IRAK1BP1: variants seen among roughly 807,000 people sequenced by gnomAD.
IRAK1BP1 encodes interleukin-1 receptor-associated kinase 1-binding protein 1.
In IRAK1BP1, 24 loss-of-function variants were observed where a neutral mutation model predicts 28.0. That is an observed-to-expected ratio of 0.86 (90% CI 0.62 to 1.20). IRAK1BP1 has a LOEUF of 1.20. Among genes scored for constraint, IRAK1BP1 ranks in the 50% most tolerant of loss-of-function variants. The pLI is 0.00. For missense variants in IRAK1BP1, 336 were observed against 316.7 expected (o/e 1.06, Z -0.46); for synonymous variants, 131 against 116.3 (o/e 1.13, Z -0.81).
intron 4 of IRAK1BP1, among the ~76,000 whole-genome samples, chr6:78,926,031 C>CTGAA (rs749673929): frequency 1.3e-5 from 2 of 151,988 alleles, no homozygotes; most frequent in Non-Finnish European, 2.9e-5. Context: ...GTAGGACCTA[C>CTGAA]TGAAGGATGG....
chr6:78,874,385 T>C (rs6454089), intron 1 of IRAK1BP1, among the ~76,000 whole-genome samples: 135,881 of 152,188 alleles, frequency 0.89, 60,692 homozygotes, highest in Admixed American at 0.9. Flanking sequence ...ATGAGGATTC[T>C]GTATTTCTTG....
chr6:78,887,091 C>G lies in IRAK1BP1; in HGVS notation c.381+1648C>G, dbSNP rs139496642. Reference sequence around the variant, plus strand: ...TTTATGACTATGGATTTAGCAAACACTAGAGCCTAATGTATAACACATACC... The same window carrying G: ...TTTATGACTATGGATTTAGCAAACAGTAGAGCCTAATGTATAACACATACC... On this transcript the variant is annotated intron_variant, in intron 2 of 3. Transcript: ENST00000369940. Among the ~76,000 whole-genome samples the G allele has an allele frequency of 6.4e-4, 98 of 152,236 alleles. 1 individual carries two copies. The South Asian group carries it at 8.1e-3, about 13-fold the overall frequency.
intron 4 of IRAK1BP1, among the ~76,000 whole-genome samples, chr6:78,930,416 T>C (rs1773011904): frequency 6.6e-6 from 1 of 152,182 alleles, no homozygotes; most frequent in African/African-American, 2.4e-5. Context: ...AAGTCATATT[T>C]TTAATAAAAG....
At chr6:78,964,826 G>A in the IRAK1BP1 span, among the ~76,000 whole-genome samples, 1 of 152,086 alleles carries the variant, frequency 6.6e-6, no homozygotes, top group African/African-American at 2.4e-5. Flanking sequence ...AAACAATATA[G>A]AATAACGTAA....
rs60728695 is a variant in IRAK1BP1 at position 78,893,314 on chromosome 6, GTATATATATATATATATA to G, written c.382-4497_382-4480del. On this transcript the variant is annotated intron_variant, in intron 2 of 3. Coordinates refer to ENST00000369940, the MANE Select transcript of IRAK1BP1 (RefSeq NM_001010844.4). ...TATATGTGTGTGTGTGTGTGTGTGT[GTATATATATATATATATA>G]TATATATATATATATATCAACGAAG... is the stretch of plus-strand genomic sequence containing the variant. Among the ~76,000 whole-genome samples the G allele has an allele frequency of 1.8e-4, 19 of 103,456 alleles. 1 individual carries two copies. The South Asian group carries it at 4.0e-3, about 22-fold the overall frequency. 67.9% of individuals were successfully genotyped at this position (103,456 alleles called of 152,430 possible).
rs539710007 is a variant in IRAK1BP1 at position 78,869,160 on chromosome 6, G to A, written c.315+1269G>A. 3.9e-5 allele frequency among the ~76,000 whole-genome samples: 6 copies of A among 152,260 alleles called. No homozygotes were observed. In the South Asian group the frequency reaches 1.2e-3, roughly 32 times the overall value. Reference sequence around the variant, plus strand: ...ACTGCTACTAGTGCTGTAGTCGTTTGAATAATGTTAACAAGTTTTTAAGTT... The same window carrying A: ...ACTGCTACTAGTGCTGTAGTCGTTTAAATAATGTTAACAAGTTTTTAAGTT... On this transcript the variant is annotated intron_variant, in intron 1 of 3. Transcript: ENST00000369940.
At chr6:78,929,172 A>G (rs1047443360) in intron 4 of IRAK1BP1, among the ~76,000 whole-genome samples, 1 of 152,046 alleles carries the variant, frequency 6.6e-6, no homozygotes, top group Non-Finnish European at 1.5e-5. Context: ...ACTTTTCATT[A>G]TGGCTTTGAT....
intron 2 of IRAK1BP1, among the ~76,000 whole-genome samples, chr6:78,895,136 A>T (rs1220629013): frequency 6.6e-6 from 1 of 152,102 alleles, no homozygotes. Flanking sequence ...AAGTATTTGA[A>T]TCATACAAAG....
Position 78,868,161 on chromosome 6 carries a change from C to T in IRAK1BP1, c.315+270C>T, listed in dbSNP as rs185616488. ...GTAGGTTTTTATCTGGGGATATTTG[C>T]TTCAGTGATTTTGTTTTTAAATTTA... is the stretch of plus-strand genomic sequence containing the variant. On this transcript the variant is annotated intron_variant, in intron 1 of 3. Transcript: ENST00000369940. 5.3e-5 allele frequency among the ~76,000 whole-genome samples: 8 copies of T among 152,292 alleles called. 1 individual carries two copies. In the East Asian group the frequency reaches 1.3e-3, roughly 26 times the overall value.
intron 4 of IRAK1BP1, among the ~76,000 whole-genome samples, chr6:78,924,376 G>A (rs950949595): frequency 7.9e-5 from 12 of 152,098 alleles, no homozygotes; most frequent in Non-Finnish European, 4.4e-5. Flanking sequence ...GGAAGAAGTT[G>A]AATCCCTGAA....
chr6:78,960,979 T>C, the IRAK1BP1 span, among the ~76,000 whole-genome samples: 1 of 152,106 alleles, frequency 6.6e-6, no homozygotes, highest in Non-Finnish European at 1.5e-5. Context: ...ACAAATTAAA[T>C]TGTTGGACTG....
At chr6:78,958,910 A>C in the IRAK1BP1 span, among the ~76,000 whole-genome samples, 1 of 152,020 alleles carries the variant, frequency 6.6e-6, no homozygotes, top group African/African-American at 2.4e-5. Flanking sequence ...GAGAGTTTTA[A>C]GTTTTGGCTT....
At chr6:78,872,071 G>A (rs1179429867) in intron 1 of IRAK1BP1, 10 of 698,318 alleles carry the variant, frequency 1.4e-5, no homozygotes, top group Non-Finnish European at 2.3e-5. Context: ...GAACTAGAAT[G>A]ACTGAGGGAA....
At chr6:78,960,150 A>ATCCC in the IRAK1BP1 span, among the ~76,000 whole-genome samples, 2 of 152,176 alleles carry the variant, frequency 1.3e-5, no homozygotes, top group African/African-American at 4.8e-5. Flanking sequence ...CTGAATTCAT[A>ATCCC]TCCCTTTCAT....
intron 2 of IRAK1BP1, among the ~76,000 whole-genome samples, chr6:78,891,161 A>G (rs1771646737): frequency 6.6e-6 from 1 of 152,196 alleles, no homozygotes; most frequent in Admixed American, 6.5e-5. Flanking sequence ...GACATGTACA[A>G]CTAAGAAAGC....
chr6:78,961,670 C>G, the IRAK1BP1 span: 2 of 1,607,726 alleles, frequency 1.2e-6, no homozygotes, highest in Non-Finnish European at 1.7e-6. Flanking sequence ...TTGATAGTAG[C>G]TACATCAAAT....
chr6:78,939,501 C>T (rs1439125734), intron 4 of IRAK1BP1: 1 of 151,688 alleles, frequency 6.6e-6, no homozygotes, highest in Non-Finnish European at 1.5e-5. Context: ...TAAAGTATGA[C>T]ATTTTAAAAT....
the IRAK1BP1 span, chr6:78,971,031 TC>T: frequency 6.6e-6 from 4 of 606,478 alleles, no homozygotes; most frequent in South Asian, 2.2e-5. Context: ...CTCCTTTCTC[TC>T]AAGTTGTCTT....
At chr6:78,938,881 T>C (rs987551694) in intron 4 of IRAK1BP1, 6 of 151,682 alleles carry the variant, frequency 4.0e-5, no homozygotes, top group African/African-American at 1.4e-4. Flanking sequence ...GACAGTTAAA[T>C]GACAGCTAAT....
Sources: gnomAD v4.1 joint callset for allele counts (sites outside exome capture counted in the v4.1 genomes callset) on GRCh38, gnomAD v4.1.1 for gene constraint, MANE v1.5 for transcripts, NCBI Gene and HGNC (gene_info 2026-07-23, HGNC 2026-07-21) for gene names.